Variants in AKIRIN2 observed in about 807,000 individuals in gnomAD.
AKIRIN2 encodes akirin-2.
Under a neutral mutation model 29.3 loss-of-function variants are expected in AKIRIN2, and 6 were observed. That is an observed-to-expected ratio of 0.20 (90% CI 0.11 to 0.40). AKIRIN2 has a LOEUF of 0.40. Among genes scored for constraint, AKIRIN2 ranks in the 10% least tolerant of loss-of-function variants. The pLI, the probability that AKIRIN2 is intolerant of heterozygous loss-of-function variation, is 1.00. For synonymous variants in AKIRIN2, 128 were observed against 117.5 expected, an observed-to-expected ratio of 1.09 and a Z score of -0.58; for missense variants, 210 against 276.1, an observed-to-expected ratio of 0.76 and a Z score of 1.70.
At chr6:87,676,235 C>G (rs544484929) in intron 3 of AKIRIN2, among the ~76,000 whole-genome samples, 1 of 151,562 alleles carries the variant, frequency 6.6e-6, no homozygotes, top group Non-Finnish European at 1.5e-5. Flanking sequence ...GAGGCCGAGG[C>G]GGGCGGATCA....
In AKIRIN2 at chr6:87,675,947, C is replaced by T. The variant is rs373584288; in HGVS notation, c.530-16G>A. ...TCATATTGTTCTATAAATAAAGGTA[C>T]TTGTCAATTACATTTGTAAAATGCC... is the stretch of plus-strand genomic sequence containing the variant. On this transcript the variant is annotated splice_polypyrimidine_tract_variant and intron_variant, in intron 3 of 4. Coordinates refer to ENST00000257787, the MANE Select transcript of AKIRIN2 (RefSeq NM_018064.4). 1.3e-6 allele frequency: 2 copies of T among 1,599,638 alleles called. No homozygotes were observed. Among genetic ancestry groups the T allele is most frequent in the African/African-American group, 1.3e-5 (1 of 74,266 alleles).
intron 3 of AKIRIN2, among the ~76,000 whole-genome samples, chr6:87,676,447 CAAAAAAAAAAAA>C (rs71021319): frequency 0.1 from 4,399 of 41,946 alleles, 128 homozygotes; most frequent in Middle Eastern, 0.17. Context: ...GCCTGGGCAA[CAAAAAAAAAAAA>C]AAAAAAAAAA....
At chr6:87,683,009 C>T (rs539693883) in intron 1 of AKIRIN2, among the ~76,000 whole-genome samples, 1 of 152,220 alleles carries the variant, frequency 6.6e-6, no homozygotes, top group South Asian at 2.1e-4. Flanking sequence ...TAGATAACCA[C>T]CATATCTACA....
rs189512458 is a variant in AKIRIN2 at position 87,702,016 on chromosome 6, C to A, written c.-332G>T. On this transcript the variant is annotated 5_prime_UTR_variant, in exon 1 of 5. Transcript: ENST00000257787. The stretch of plus-strand genomic sequence containing the variant: ...CGGCCGCCCCCGCCGTCCGCTCGAG[C>A]TTTGCGCCGCGCCTGAGGCGCTTCT... 5.0e-3 allele frequency: 2,003 copies of A among 404,248 alleles called. 37 individuals are homozygous for A. Among genetic ancestry groups the A allele is most frequent in the African/African-American group, 0.035 (1,723 of 48,766 alleles). 25.0% of individuals were successfully genotyped at this position (404,248 alleles called of 1,614,324 possible).
chr6:87,681,011 A>G (rs1247856110), intron 2 of AKIRIN2, among the ~76,000 whole-genome samples: 1 of 152,050 alleles, frequency 6.6e-6, no homozygotes, highest in Admixed American at 6.6e-5. Context: ...AGGTACATCT[A>G]TACCTAACAA....
chr6:87,693,871 CCTCT>C (rs1454344929), intron 1 of AKIRIN2, among the ~76,000 whole-genome samples: 1 of 152,126 alleles, frequency 6.6e-6, no homozygotes, highest in Non-Finnish European at 1.5e-5. Context: ...ATCAAGTCCC[CCTCT>C]CTATCATAGC....
intron 1 of AKIRIN2, among the ~76,000 whole-genome samples, chr6:87,685,652 G>A (rs1044025635): frequency 6.6e-6 from 1 of 152,162 alleles, no homozygotes; most frequent in Non-Finnish European, 1.5e-5. Flanking sequence ...TGAATTTGCA[G>A]CAACCATTTA....
chr6:87,689,195 A>AC (rs996830838), intron 1 of AKIRIN2, among the ~76,000 whole-genome samples: 59 of 152,272 alleles, frequency 3.9e-4, no homozygotes, highest in Admixed American at 7.9e-4. Flanking sequence ...TTGTTCAGGC[A>AC]CCCCCCAAAA....
intron 1 of AKIRIN2, among the ~76,000 whole-genome samples, chr6:87,694,224 G>T (rs546338386): frequency 1.3e-5 from 2 of 152,184 alleles, no homozygotes; most frequent in East Asian, 3.9e-4. Context: ...ATCATATACT[G>T]ACACAATTTC....
At chr6:87,687,044 C>CAA (rs10652176) in intron 1 of AKIRIN2, among the ~76,000 whole-genome samples, 3,639 of 67,318 alleles carry the variant, frequency 0.054, 111 homozygotes, top group Non-Finnish European at 0.063. Flanking sequence ...GACTTAGACT[C>CAA]AAAAAAAAAA....
intron 1 of AKIRIN2, among the ~76,000 whole-genome samples, chr6:87,690,229 CA>C (rs1320330329): frequency 2.7e-5 from 4 of 145,992 alleles, no homozygotes; most frequent in South Asian, 2.2e-4. Context: ...ACCAAAAAAA[CA>C]AAAAAAACCA....
chr6:87,686,943 G>C (rs938782570), intron 1 of AKIRIN2, among the ~76,000 whole-genome samples: 1 of 149,980 alleles, frequency 6.7e-6, no homozygotes, highest in Non-Finnish European at 1.5e-5. Flanking sequence ...CTACTCGGGA[G>C]ACTGAAGCAG....
Position 87,701,589 on chromosome 6 carries a change from C to A in AKIRIN2, c.96G>T (p.Ala32=). ...PKRRRCAPLS[A]PTSAAASPLS... Reference sequence around the variant, plus strand: ...ACGGGGAGGCAGCGGCCGAGGTGGGCGCCGACAATGGCGCACATCGCCTGC... The same window carrying A: ...ACGGGGAGGCAGCGGCCGAGGTGGGAGCCGACAATGGCGCACATCGCCTGC... Residue 32 remains alanine (A), a synonymous_variant, in exon 1 of 5, where the codon GCG becomes GCT. Coordinates refer to ENST00000257787, the MANE Select transcript of AKIRIN2 (RefSeq NM_018064.4). 1 of 1,428,498 alleles carries A rather than the reference C, an allele frequency of 7.0e-7. No homozygotes were observed. The highest frequency in any genetic ancestry group is 9.1e-7 in the Non-Finnish European group (1 of 1,093,500). 88.5% of individuals were successfully genotyped at this position (1,428,498 alleles called of 1,614,324 possible).
rs1771052161 is a variant in AKIRIN2 at position 87,677,990 on chromosome 6, A to G, written c.380-23T>C. 3.1e-6 allele frequency: 5 copies of G among 1,600,440 alleles called. No individual in the cohort carries two copies. The East Asian group carries it at 1.1e-4, about 36-fold the overall frequency. On this transcript the variant is annotated intron_variant, in intron 2 of 4. Transcript: ENST00000257787. Reference sequence around the variant, plus strand: ...TCCCTATGTACAATGAGGACAAAAAATAGCACCTGGTTTAGAGCCATGATA... The same window carrying G: ...TCCCTATGTACAATGAGGACAAAAAGTAGCACCTGGTTTAGAGCCATGATA...
At chr6:87,691,979 T>C (rs1771284387) in intron 1 of AKIRIN2, among the ~76,000 whole-genome samples, 1 of 152,192 alleles carries the variant, frequency 6.6e-6, no homozygotes, top group African/African-American at 2.4e-5. Flanking sequence ...TGTGAATATA[T>C]AAAGCCAAAA....
Position 87,675,056 on chromosome 6 carries a change from A to C in AKIRIN2, c.*541T>G, listed in dbSNP as rs1396762939. ...AGACTGATAGAATAAATAAAACTAC[A>C]AAAAAAAAAAAAATCATACAAACCC... On this transcript the variant is annotated 3_prime_UTR_variant, in exon 5 of 5. Coordinates refer to ENST00000257787, the MANE Select transcript of AKIRIN2 (RefSeq NM_018064.4). 2.2e-5 allele frequency: 2 copies of C among 92,764 alleles called. No individual in the cohort carries two copies. The highest frequency in any genetic ancestry group is 3.9e-5 in the Non-Finnish European group (2 of 51,024). 5.7% of individuals were successfully genotyped at this position (92,764 alleles called of 1,614,324 possible).
chr6:87,679,458 A>T (rs1771083719), intron 2 of AKIRIN2, among the ~76,000 whole-genome samples: 1 of 152,170 alleles, frequency 6.6e-6, no homozygotes, highest in Non-Finnish European at 1.5e-5. Flanking sequence ...AGATCTCACC[A>T]CTGTACTCCA....
intron 3 of AKIRIN2, among the ~76,000 whole-genome samples, chr6:87,677,486 A>T (rs954496585): frequency 1.3e-5 from 2 of 152,210 alleles, no homozygotes; most frequent in Non-Finnish European, 2.9e-5. Flanking sequence ...AGCCAATTAG[A>T]TATTTTAAAT....
chr6:87,682,069 T>A (rs1475514469), intron 1 of AKIRIN2, among the ~76,000 whole-genome samples: 1 of 152,238 alleles, frequency 6.6e-6, no homozygotes, highest in Non-Finnish European at 1.5e-5. Context: ...TTACTCAGAT[T>A]CTTAAGAGTT....
Sources: allele counts gnomAD v4.1 joint callset (sites outside exome capture counted in the v4.1 genomes callset), GRCh38; gene constraint gnomAD v4.1.1; transcripts MANE v1.5; gene names NCBI Gene and HGNC (gene_info 2026-07-23, HGNC 2026-07-21).